Variants in BRI3BP observed in about 807,000 individuals in gnomAD.
BRI3BP encodes BRI3-binding protein.
Under a neutral mutation model 15.8 loss-of-function variants are expected in BRI3BP, and 7 were observed. That is an observed-to-expected ratio of 0.44 (90% confidence interval 0.25 to 0.83). BRI3BP has a LOEUF of 0.83. BRI3BP is among the 40% of genes least tolerant of loss of function. The pLI, the probability that BRI3BP is intolerant of heterozygous loss-of-function variation, is 0.20. For missense variants in BRI3BP, 320 were observed against 339.3 expected, an observed-to-expected ratio of 0.94 and a Z score of 0.45; for synonymous variants, 192 against 163.5, an observed-to-expected ratio of 1.17 and a Z score of -1.33.
At chr12:125,002,444 GTTTTTT>G (rs60534735) in intron 1 of BRI3BP, among the ~76,000 whole-genome samples, 6 of 142,574 alleles carry the variant, frequency 4.2e-5, no homozygotes, top group Non-Finnish European at 6.1e-5. Context: ...TCCAGAACTG[GTTTTTT>G]TTTTTGTTTT....
intron 1 of BRI3BP, among the ~76,000 whole-genome samples, chr12:125,002,338 G>T (rs6488972): frequency 0.41 from 61,737 of 151,776 alleles, 13,624 homozygotes; most frequent in African/African-American, 0.58. Flanking sequence ...TGTGGGGCCT[G>T]GTTTCCCCAC....
chr12:125,000,307 GATTTTTTTTTT>G (rs1424047289), intron 1 of BRI3BP, among the ~76,000 whole-genome samples: 2 of 110,528 alleles, frequency 1.8e-5, no homozygotes, highest in Non-Finnish European at 3.6e-5. Flanking sequence ...AGTTTCATAT[GATTTTTTTTTT>G]TTTTTTTTTT....
At chr12:124,999,003 G>T (rs559278571) in intron 1 of BRI3BP, among the ~76,000 whole-genome samples, 2 of 152,236 alleles carry the variant, frequency 1.3e-5, no homozygotes, top group East Asian at 3.9e-4. Flanking sequence ...GCTTGATCCT[G>T]GGAGGTTGAG....
chr12:125,018,976 G>A (rs7307306), intron 2 of BRI3BP, among the ~76,000 whole-genome samples: 74,795 of 151,724 alleles, frequency 0.49, 19,028 homozygotes, highest in East Asian at 0.55. Flanking sequence ...CTCCTGCCTC[G>A]GCCTCCTGAG....
the BRI3BP span, among the ~76,000 whole-genome samples, chr12:125,046,775 C>A: frequency 6.6e-6 from 1 of 152,158 alleles, no homozygotes. Context: ...TATTTTAATT[C>A]GGCTATGGAT....
rs1424898147 is a variant in BRI3BP at position 125,012,521 on chromosome 12, C to T, written c.214-13C>T. On this transcript the variant is annotated splice_polypyrimidine_tract_variant and intron_variant, in intron 1 of 2. Coordinates refer to ENST00000341446, the MANE Select transcript of BRI3BP (RefSeq NM_080626.6). ...ACAGTGATTGGGTGATGACCGTTTT[C>T]TTGTTTCTGCAGTTCTTGGCCAGGC... 1 of 1,579,686 alleles carries T rather than the reference C, an allele frequency of 6.3e-7. No homozygotes were observed.
At chr12:125,011,239 A>G (rs1254746081) in intron 1 of BRI3BP, among the ~76,000 whole-genome samples, 4 of 152,002 alleles carry the variant, frequency 2.6e-5, no homozygotes, top group Non-Finnish European at 5.9e-5. Flanking sequence ...CCCCATAGAT[A>G]CCTTGGTCAG....
intron 1 of BRI3BP, among the ~76,000 whole-genome samples, chr12:124,996,434 G>A (rs1268756316): frequency 6.6e-6 from 1 of 152,038 alleles, no homozygotes; most frequent in Non-Finnish European, 1.5e-5. Flanking sequence ...CTCCTGAGTA[G>A]CCGGGATTAC....
At chr12:125,019,635 C>T (rs11613815) in intron 2 of BRI3BP, among the ~76,000 whole-genome samples, 7,672 of 31,362 alleles carry the variant, frequency 0.24, 1,160 homozygotes, top group South Asian at 0.4. Context: ...TAATTCCACC[C>T]TTTTTTTTTT....
chr12:125,032,498 A>G (rs1481246432), downstream of BRI3BP, among the ~76,000 whole-genome samples: 2 of 149,704 alleles, frequency 1.3e-5, no homozygotes, highest in South Asian at 4.2e-4. Context: ...GGCCGGGTGC[A>G]GTGGCTCACG....
chr12:125,029,709 T>G lies in BRI3BP; in HGVS notation c.*4279T>G, dbSNP rs1016815967. 2.0e-5 allele frequency: 3 copies of G among 152,140 alleles called. No individual in the cohort carries two copies. The highest frequency in any genetic ancestry group is 6.6e-5 in the Admixed American group (1 of 15,252). The allele number at this position is 152,140 out of a possible 1,614,324, so 9.4% of individuals were successfully genotyped here. A position where few individuals can be genotyped will look rare whatever the true frequency, so the allele number is the denominator to read the frequency against. On this transcript the variant is annotated 3_prime_UTR_variant, in exon 3 of 3. Transcript: ENST00000341446. ...TAGAATTTCTGGGAAGCAGACCTTG[T>G]GAATCGTGCCTGTGTCTTAATTCAC...
At chr12:124,998,616 A>G (rs1955059219) in intron 1 of BRI3BP, among the ~76,000 whole-genome samples, 1 of 152,078 alleles carries the variant, frequency 6.6e-6, no homozygotes, top group Non-Finnish European at 1.5e-5. Context: ...GGAGGGAGCA[A>G]TGGGGGAATT....
rs1182136360 is a variant in BRI3BP at position 125,029,652 on chromosome 12, C to T, written c.*4222C>T. 1 of 151,932 alleles carries T rather than the reference C, an allele frequency of 6.6e-6. No individual in the cohort carries two copies. Among genetic ancestry groups the T allele is most frequent in the East Asian group, 1.9e-4 (1 of 5,168 alleles). The allele number at this position is 151,932 out of a possible 1,614,324, so 9.4% of individuals were successfully genotyped here. ...GTTTCTTTTGCTTTGGATTTCAGCC[C>T]CCATATCATTTCTGGTAACAGAGCA... On this transcript the variant is annotated 3_prime_UTR_variant, in exon 3 of 3. Coordinates refer to ENST00000341446, the MANE Select transcript of BRI3BP (RefSeq NM_080626.6).
intron 2 of BRI3BP, among the ~76,000 whole-genome samples, chr12:125,021,480 G>GT (rs1024792878): frequency 9.2e-5 from 14 of 152,232 alleles, no homozygotes; most frequent in Non-Finnish European, 5.9e-5. Context: ...AGGCAGGCAG[G>GT]TTGCTTGAGC....
chr12:124,997,493 G>T (rs1486810438), intron 1 of BRI3BP, among the ~76,000 whole-genome samples: 1 of 151,780 alleles, frequency 6.6e-6, no homozygotes, highest in Non-Finnish European at 1.5e-5. Flanking sequence ...CGGATTTACA[G>T]ACGTGAACCA....
the BRI3BP span, among the ~76,000 whole-genome samples, chr12:125,039,139 G>A: frequency 6.6e-6 from 1 of 152,124 alleles, no homozygotes; most frequent in Non-Finnish European, 1.5e-5. Flanking sequence ...AAAGCTCAGA[G>A]AGGTCAAGTG....
chr12:125,015,948 ACT>A (rs10561517), intron 2 of BRI3BP, among the ~76,000 whole-genome samples: 44,428 of 151,848 alleles, frequency 0.29, 6,838 homozygotes, highest in South Asian at 0.45. Context: ...GGATTGTCAA[ACT>A]CTCTGTGTTT....
intron 2 of BRI3BP, among the ~76,000 whole-genome samples, chr12:125,019,521 G>A (rs963703090): frequency 2.0e-5 from 3 of 151,968 alleles, no homozygotes; most frequent in African/African-American, 7.3e-5. Flanking sequence ...TGTCTCTGAG[G>A]TCAGGGATTC....
chr12:125,008,259 A>G (rs1258732501), intron 1 of BRI3BP, among the ~76,000 whole-genome samples: 1 of 129,624 alleles, frequency 7.7e-6, no homozygotes, highest in African/African-American at 3.0e-5. Flanking sequence ...CCCGCCGCCT[A>G]CCCCCACCCA....
Sources: allele counts gnomAD v4.1 joint callset (sites outside exome capture counted in the v4.1 genomes callset), GRCh38; gene constraint gnomAD v4.1.1; transcripts MANE v1.5; gene names NCBI Gene and HGNC (gene_info 2026-07-23, HGNC 2026-07-21).